The following PCDHA12 variants were observed in gnomAD, a reference collection of about 807,000 sequenced individuals.
PCDHA12 encodes the protein protocadherin alpha-12.
A neutral mutation model predicts 60.0 loss-of-function variants in PCDHA12; 44 were observed. The ratio of observed to expected loss-of-function variants is 0.73; its 90% CI spans 0.58 to 0.94. The LOEUF is 0.94. Ranked by LOEUF, PCDHA12 falls within the 40% of genes least tolerant of loss-of-function variation. The probability of loss-of-function intolerance (pLI) is 0.00; values close to 1 mark genes in which losing one functional copy is unlikely to be tolerated. For missense variants in PCDHA12, 1,276 were observed against 1,239.7 expected, an observed-to-expected ratio of 1.03 and a Z score of -0.44; for synonymous variants, 569 against 553.0, an observed-to-expected ratio of 1.03 and a Z score of -0.40.
chr5:140,927,362 G>A, intron 1 of PCDHA12: 1 of 1,614,030 alleles, frequency 6.2e-7, no homozygotes, highest in Non-Finnish European at 8.5e-7. Context: ...GGAAGCAATG[G>A]GATACTAAGC....
At chr5:140,940,258 C>A (rs2092581637) in intron 1 of PCDHA12, among the ~76,000 whole-genome samples, 1 of 152,130 alleles carries the variant, frequency 6.6e-6, no homozygotes, top group South Asian at 2.1e-4. Flanking sequence ...TCAATATCTT[C>A]TGGGTTCCAC....
At chr5:140,992,205 T>C (rs2097498733) in intron 3 of PCDHA12, among the ~76,000 whole-genome samples, 1 of 152,186 alleles carries the variant, frequency 6.6e-6, no homozygotes, top group South Asian at 2.1e-4. Flanking sequence ...TCCAATCAGA[T>C]AAACTACTCT....
chr5:141,004,101 T>C (rs2098153096), intron 3 of PCDHA12, among the ~76,000 whole-genome samples: 1 of 152,220 alleles, frequency 6.6e-6, no homozygotes, highest in Admixed American at 6.5e-5. Flanking sequence ...TCCGTTTTCA[T>C]CTTCTTCAAA....
rs1554202543 is a variant in PCDHA12 at position 140,925,106 on chromosome 5, G to GA, written c.2367+47268dup. The stretch of plus-strand genomic sequence containing the variant: ...GAAAGGAAGGAAGGAAGGAAGGAAG[G>GA]AGGGAAGGAAGGAAGGAAAAAAAAT... On this transcript the variant is annotated intron_variant, in intron 1 of 3. Coordinates refer to ENST00000398631, the MANE Select transcript of PCDHA12 (RefSeq NM_018903.4). Among the ~76,000 whole-genome samples the GA allele has an allele frequency of 6.6e-3, 1,003 of 151,180 alleles. 6 individuals are homozygous for GA. Among genetic ancestry groups the GA allele is most frequent in the African/African-American group, 0.017 (687 of 41,108 alleles).
intron 1 of PCDHA12, among the ~76,000 whole-genome samples, chr5:140,900,220 A>G (rs2067832167): frequency 6.6e-6 from 1 of 152,132 alleles, no homozygotes; most frequent in South Asian, 2.1e-4. Context: ...GTTGTTGCAA[A>G]TGACTGGATC....
Position 140,877,535 on chromosome 5 carries a change from A to T in PCDHA12, c.2063A>T (p.Asp688Val). 6.2e-7 allele frequency: 1 copy of T among 1,613,750 alleles called. No homozygotes were observed. Among genetic ancestry groups the T allele is most frequent in the Admixed American group, 1.7e-5 (1 of 60,026 alleles). ...TCGCGGGCCTCAGTGGGCGCTGTGGATCCCGAAGCGGCTCTGGTGGATATT... is the reference window on the plus strand; with the variant it reads ...TCGCGGGCCTCAGTGGGCGCTGTGGTTCCCGAAGCGGCTCTGGTGGATATT... ...TSSRASVGAV[D>V]PEAALVDINV... The change falls in exon 1 of 4, where the codon GAT becomes GTT. Residue 688 changes from aspartate (D) to valine (V), a missense_variant. Coordinates refer to ENST00000398631, the MANE Select transcript of PCDHA12 (RefSeq NM_018903.4).
chr5:140,999,019 A>C (rs782524233), intron 3 of PCDHA12, among the ~76,000 whole-genome samples: 1 of 152,208 alleles, frequency 6.6e-6, no homozygotes, highest in Non-Finnish European at 1.5e-5. Context: ...TGAACCCAAG[A>C]CTTTTGATAC....
chr5:140,967,762 G>A, intron 1 of PCDHA12: 1 of 1,614,216 alleles, frequency 6.2e-7, no homozygotes, highest in Non-Finnish European at 8.5e-7. Flanking sequence ...CCTCCTACCA[G>A]ATCTATGTGC....
At chr5:140,890,204 CT>C (rs1256018806) in intron 1 of PCDHA12, among the ~76,000 whole-genome samples, 2 of 151,984 alleles carry the variant, frequency 1.3e-5, no homozygotes, top group African/African-American at 4.8e-5. Context: ...TTTTGTTTTT[CT>C]TTTTTCCCAG....
At chr5:140,951,751 C>T (rs1206749897) in intron 1 of PCDHA12, among the ~76,000 whole-genome samples, 2 of 152,112 alleles carry the variant, frequency 1.3e-5, no homozygotes, top group Non-Finnish European at 2.9e-5. Flanking sequence ...CCTCACCCTC[C>T]GCGAAATCTC....
intron 3 of PCDHA12, among the ~76,000 whole-genome samples, chr5:140,991,081 AAAATT>A (rs782742337): frequency 6.6e-6 from 1 of 152,236 alleles, no homozygotes. Flanking sequence ...TTCAGATAAA[AAAATT>A]AAAGCTCATA....
rs782421721 is a variant in PCDHA12, at chr5:140,966,807, C to T, written c.2368-12142C>T. Reference sequence around the variant, plus strand: ...ACCAGACCTGCGGCGACAGAGCATCCACGGCTCCGGCGGCCCATGCCCTGG... The same window carrying T: ...ACCAGACCTGCGGCGACAGAGCATCTACGGCTCCGGCGGCCCATGCCCTGG... On this transcript the variant is annotated intron_variant, in intron 1 of 3. Transcript: ENST00000398631. 3 of 1,547,208 alleles carry T rather than the reference C, an allele frequency of 1.9e-6. No homozygotes were observed. The South Asian group carries it at 3.6e-5, about 18-fold the overall frequency.
chr5:140,909,234 A>G (rs782659410), intron 1 of PCDHA12, among the ~76,000 whole-genome samples: 12 of 152,220 alleles, frequency 7.9e-5, no homozygotes, highest in Non-Finnish European at 1.3e-4. Context: ...GTAGGATGGT[A>G]AAGATATATT....
chr5:140,923,280 A>C (rs2081292990), intron 1 of PCDHA12, among the ~76,000 whole-genome samples: 1 of 152,220 alleles, frequency 6.6e-6, no homozygotes, highest in South Asian at 2.1e-4. Context: ...CTCTACAAAA[A>C]ATTAAAAATT....
At chr5:140,925,187 C>T (rs2082372782) in intron 1 of PCDHA12, among the ~76,000 whole-genome samples, 1 of 152,134 alleles carries the variant, frequency 6.6e-6, no homozygotes, top group Admixed American at 6.5e-5. Flanking sequence ...TGTACCATCA[C>T]CCAGCTTCAA....
chr5:141,009,772 C>T lies in PCDHA12; in HGVS notation c.2661C>T (p.Ile887=). The T allele has an allele frequency of 1.9e-6, 3 of 1,614,158 alleles. No individual in the cohort carries two copies. Among genetic ancestry groups the T allele is most frequent in the Non-Finnish European group, 2.5e-6 (3 of 1,180,032 alleles). The stretch of plus-strand genomic sequence containing the variant: ...TCATTATCCCAGGATCTCCTGCAAT[C>T]ATCTCCATCCGGCAGGAGCCTACTA... ...DKFIIPGSPA[I]ISIRQEPTNS... Residue 887 remains isoleucine (I), a synonymous_variant, in exon 4 of 4, where the codon ATC becomes ATT. Coordinates refer to ENST00000398631, the MANE Select transcript of PCDHA12 (RefSeq NM_018903.4).
chr5:140,902,996 A>G (rs2069931370), intron 1 of PCDHA12, among the ~76,000 whole-genome samples: 1 of 152,126 alleles, frequency 6.6e-6, no homozygotes, highest in Admixed American at 6.6e-5. Context: ...TATTTTTGCA[A>G]TTGTGAATTG....
intron 3 of PCDHA12, among the ~76,000 whole-genome samples, chr5:140,982,785 G>A (rs1037904724): frequency 2.0e-5 from 3 of 151,236 alleles, no homozygotes; most frequent in African/African-American, 4.9e-5. Flanking sequence ...GTGTGTGCAC[G>A]CATGTGTGCA....
At chr5:140,968,345 G>A in intron 1 of PCDHA12, 2 of 1,614,132 alleles carry the variant, frequency 1.2e-6, no homozygotes, top group Non-Finnish European at 8.5e-7. Flanking sequence ...CATTAACAGT[G>A]CCAGTGGCAG....
Sources: allele counts gnomAD v4.1 joint callset (sites outside exome capture counted in the v4.1 genomes callset), GRCh38; gene constraint gnomAD v4.1.1; transcripts MANE v1.5; gene names NCBI Gene and HGNC (gene_info 2026-07-23, HGNC 2026-07-21).